The following LARGE1 variants were observed in gnomAD, a reference collection of about 807,000 sequenced individuals.
LARGE1 encodes LARGE xylosyl- and glucuronyltransferase 1.
A neutral mutation model predicts 87.6 loss-of-function variants in LARGE1; 43 were observed. The observed-to-expected ratio is 0.49, with a 90% CI of 0.38 to 0.63. The LOEUF (loss-of-function observed/expected upper bound fraction) is 0.63, where lower values mean the gene tolerates loss of function less well. Ranked by LOEUF, LARGE1 falls within the 30% of genes least tolerant of loss-of-function variation. The probability of loss-of-function intolerance (pLI) is 0.00; values close to 1 mark genes in which losing one functional copy is unlikely to be tolerated. For missense variants in LARGE1, 802 were observed against 1,000.2 expected (o/e 0.80, Z 2.67); for synonymous variants, 434 against 394.6 (o/e 1.10, Z -1.18).
rs557694514 is a variant in LARGE1, at chr22:33,390,177, A to C, written c.893-5873T>G. 6.6e-4 allele frequency among the ~76,000 whole-genome samples: 101 copies of C among 152,334 alleles called. 3 individuals are homozygous for C. The South Asian group carries it at 0.021, about 31-fold the overall frequency. The stretch of plus-strand genomic sequence containing the variant: ...TTTGGAATTCCAGAACGTTTACTAA[A>C]TATACCACTCTCTGTACCCCGATTC... On this transcript the variant is annotated intron_variant, in intron 7 of 14. Transcript: ENST00000397394.
intron 9 of LARGE1, among the ~76,000 whole-genome samples, chr22:33,358,544 A>T (rs1412348440): frequency 1.3e-5 from 2 of 152,178 alleles, no homozygotes; most frequent in Non-Finnish European, 2.9e-5. Flanking sequence ...TGCAAATGCT[A>T]TAAATTGCCC....
intron 2 of LARGE1, among the ~76,000 whole-genome samples, chr22:33,741,153 C>T (rs1383535047): frequency 5.9e-5 from 9 of 152,174 alleles, no homozygotes; most frequent in African/African-American, 1.2e-4. Context: ...ACTCTGAGCA[C>T]GAAGGCCACA....
intron 11 of LARGE1, among the ~76,000 whole-genome samples, chr22:33,311,055 G>A (rs539929037): frequency 6.6e-5 from 10 of 152,002 alleles, no homozygotes; most frequent in African/African-American, 2.4e-4. Context: ...CCGCCTCCCG[G>A]GTTCACACCA....
intron 7 of LARGE1, among the ~76,000 whole-genome samples, chr22:33,384,718 G>T (rs755955901): frequency 6.7e-6 from 1 of 148,442 alleles, no homozygotes; most frequent in Non-Finnish European, 1.5e-5. Context: ...ACTTCATGCC[G>T]CTCAACTGTA....
chr22:33,294,287 AT>A (rs1188820906), intron 12 of LARGE1, among the ~76,000 whole-genome samples: 1 of 152,256 alleles, frequency 6.6e-6, no homozygotes, highest in African/African-American at 2.4e-5. Context: ...TGCTGTCAGA[AT>A]GCTGGGAGAG....
chr22:33,115,238 C>A, the LARGE1 span, among the ~76,000 whole-genome samples: 1 of 152,088 alleles, frequency 6.6e-6, no homozygotes, highest in Non-Finnish European at 1.5e-5. Flanking sequence ...GCAGTCCTAG[C>A]ATATGCAGAC....
intron 1 of LARGE1, among the ~76,000 whole-genome samples, chr22:33,812,519 A>G (rs895257022): frequency 3.9e-5 from 6 of 152,138 alleles, no homozygotes; most frequent in Non-Finnish European, 1.5e-5. Context: ...CCTGCTGTGC[A>G]TTTTCCAGCC....
At chr22:33,510,701 G>A (rs1265928742) in intron 6 of LARGE1, among the ~76,000 whole-genome samples, 1 of 152,174 alleles carries the variant, frequency 6.6e-6, no homozygotes, top group Admixed American at 6.5e-5. Context: ...TCAGCCTCCT[G>A]AGTAGCTGTG....
At chr22:33,394,808 A>G (rs778657581) in intron 7 of LARGE1, among the ~76,000 whole-genome samples, 13 of 151,814 alleles carry the variant, frequency 8.6e-5, no homozygotes, top group Non-Finnish European at 1.2e-4. Context: ...TCAGGGGTCT[A>G]AAGCCAAAAC....
At chr22:33,210,686 C>T (rs1924916479) in intron 11 of LARGE1, among the ~76,000 whole-genome samples, 1 of 152,270 alleles carries the variant, frequency 6.6e-6, no homozygotes, top group Non-Finnish European at 1.5e-5. Context: ...CCCCTGTTGC[C>T]ATAGAGAAGC....
chr22:33,499,624 A>G (rs1172479829), intron 6 of LARGE1, among the ~76,000 whole-genome samples: 1 of 152,106 alleles, frequency 6.6e-6, no homozygotes, highest in Non-Finnish European at 1.5e-5. Flanking sequence ...AGTTAAATGA[A>G]GCAATCCATT....
At chr22:33,719,093 C>A (rs1243950772) in intron 2 of LARGE1, among the ~76,000 whole-genome samples, 6 of 152,100 alleles carry the variant, frequency 3.9e-5, no homozygotes, top group East Asian at 1.9e-4. Context: ...CCGGCTGTAT[C>A]TTTGTTTTCA....
At chr22:33,621,130 T>C (rs1354521093) in intron 4 of LARGE1, among the ~76,000 whole-genome samples, 1 of 152,266 alleles carries the variant, frequency 6.6e-6, no homozygotes, top group African/African-American at 2.4e-5. Context: ...CATTGCTTCA[T>C]GGTATGCCAT....
chr22:33,622,436 T>G (rs555618675), intron 4 of LARGE1, among the ~76,000 whole-genome samples: 40 of 152,358 alleles, frequency 2.6e-4, no homozygotes, highest in African/African-American at 9.6e-4. Context: ...GTGAGTCAAT[T>G]AAACCCCTTT....
intron 6 of LARGE1, among the ~76,000 whole-genome samples, chr22:33,488,288 A>G (rs1569207062): frequency 6.6e-6 from 1 of 152,252 alleles, no homozygotes; most frequent in Non-Finnish European, 1.5e-5. Context: ...TGGTTACCAT[A>G]CCAAAGAGTG....
chr22:33,413,509 G>C (rs2066383781), intron 7 of LARGE1, among the ~76,000 whole-genome samples: 1 of 151,872 alleles, frequency 6.6e-6, no homozygotes, highest in Non-Finnish European at 1.5e-5. Context: ...CTGTCGCCCA[G>C]ACTGGAGTGC....
intron 5 of LARGE1, among the ~76,000 whole-genome samples, chr22:33,596,457 C>T (rs2078978411): frequency 6.6e-6 from 1 of 152,174 alleles, no homozygotes; most frequent in Admixed American, 6.5e-5. Flanking sequence ...TATTCAGAAA[C>T]CACACAGATA....
intron 2 of LARGE1, chr22:33,737,518 C>A (rs1409462563): frequency 3.3e-5 from 5 of 152,150 alleles, no homozygotes; most frequent in African/African-American, 1.2e-4. Flanking sequence ...TTACTTAAGT[C>A]CATAACAGCG....
chr22:33,378,351 A>G (rs1488660179), intron 9 of LARGE1, among the ~76,000 whole-genome samples: 1 of 152,214 alleles, frequency 6.6e-6, no homozygotes, highest in Non-Finnish European at 1.5e-5. Flanking sequence ...TGAAACAGAC[A>G]ACAACCTCTA....
Sources: allele counts gnomAD v4.1 joint callset (sites outside exome capture counted in the v4.1 genomes callset), GRCh38; gene constraint gnomAD v4.1.1; transcripts MANE v1.5; gene names NCBI Gene and HGNC (gene_info 2026-07-23, HGNC 2026-07-21).